The following CACNA1C variants were observed in gnomAD, a reference collection of about 807,000 sequenced individuals.
CACNA1C encodes the protein calcium voltage-gated channel subunit alpha1 C.
CACNA1C carries 30 observed loss-of-function variants against 229.0 expected under a neutral mutation model. The ratio of observed to expected loss-of-function variants is 0.13; its 90% CI spans 0.10 to 0.18. The LOEUF is 0.18. Ranked by LOEUF, CACNA1C falls within the 10% of genes least tolerant of loss-of-function variation. The pLI is 1.00. For synonymous variants in CACNA1C, 1,114 were observed against 1,132.5 expected (o/e 0.98, Z 0.33); for missense variants, 1,658 against 2,845.0 (o/e 0.58, Z 9.49).
rs1021204544 is a variant in CACNA1C at position 2,597,923 on chromosome 12, G to C, written c.2853+634G>C. Reference sequence around the variant, plus strand: ...CTCTGAAAGTGGGAAACCTCCTGGGGCGTGAAAGAATCACTTGAGCTACTC... The same window carrying C: ...CTCTGAAAGTGGGAAACCTCCTGGGCCGTGAAAGAATCACTTGAGCTACTC... On this transcript the variant is annotated intron_variant, in intron 21 of 46. Coordinates refer to ENST00000399655, the MANE Select transcript of CACNA1C (RefSeq NM_000719.7). The surrounding 1 kb of genome is among the most constrained non-coding windows in gnomAD (Gnocchi z 4.3). Among the ~76,000 whole-genome samples, 5 of 152,200 alleles carry C rather than the reference G, an allele frequency of 3.3e-5. No individual in the cohort carries two copies. The highest frequency in any genetic ancestry group is 1.2e-4 in the African/African-American group (5 of 41,446).
chr12:2,656,785 C>T (rs954582227), intron 34 of CACNA1C, among the ~76,000 whole-genome samples: 2 of 152,198 alleles, frequency 1.3e-5, no homozygotes, highest in Admixed American at 6.5e-5. Context: ...CACTCATTTA[C>T]AGCCAGTTGA....
At chr12:2,209,316 A>G (rs1220474930) in intron 3 of CACNA1C, among the ~76,000 whole-genome samples, 1 of 152,214 alleles carries the variant, frequency 6.6e-6, no homozygotes, top group Admixed American at 6.5e-5. Context: ...ACAAACACCA[A>G]CAATCCTTAT....
intron 1 of CACNA1C, among the ~76,000 whole-genome samples, chr12:2,083,334 G>A (rs75823749): frequency 0.016 from 2,511 of 152,330 alleles, 25 homozygotes; most frequent in South Asian, 0.059. Flanking sequence ...GGCCCTGGCC[G>A]TAGATCCCAG....
intron 3 of CACNA1C, among the ~76,000 whole-genome samples, chr12:2,309,672 A>T (rs927463848): frequency 2.6e-5 from 4 of 152,244 alleles, no homozygotes; most frequent in Non-Finnish European, 5.9e-5. Flanking sequence ...TATTTAAACT[A>T]CAAAACTGTA....
At chr12:2,650,451 C>T (rs931317985) in intron 31 of CACNA1C, among the ~76,000 whole-genome samples, 1 of 152,138 alleles carries the variant, frequency 6.6e-6, no homozygotes, top group African/African-American at 2.4e-5. Flanking sequence ...GCCCTCCCAC[C>T]TCGCGGGAGG....
intron 8 of CACNA1C, 110 bp downstream of exon 8, chr12:2,505,055 G>A: frequency 1.5e-6 from 1 of 670,366 alleles, no homozygotes; most frequent in South Asian, 1.7e-5. Flanking sequence ...TGGGATAAGG[G>A]GTCACCACAG....
At chr12:2,349,627 A>G (rs550592724) in intron 3 of CACNA1C, among the ~76,000 whole-genome samples, 1 of 152,186 alleles carries the variant, frequency 6.6e-6, no homozygotes, top group South Asian at 2.1e-4. Context: ...GTCTGGACTC[A>G]GGAGGAAGGT....
At chr12:2,122,178 G>A (rs564829969) in intron 3 of CACNA1C, among the ~76,000 whole-genome samples, 1 of 152,332 alleles carries the variant, frequency 6.6e-6, no homozygotes, top group South Asian at 2.1e-4. Flanking sequence ...TACAGATGAG[G>A]TGGGAGGGAT....
chr12:1,994,495 T>G (rs2040320986), intron 1 of CACNA1C, among the ~76,000 whole-genome samples: 1 of 152,192 alleles, frequency 6.6e-6, no homozygotes, highest in Non-Finnish European at 1.5e-5. Flanking sequence ...GGTAAAGTGG[T>G]GGTAAGCATA....
intron 3 of CACNA1C, among the ~76,000 whole-genome samples, chr12:2,295,076 C>T (rs991427359): frequency 1.3e-5 from 2 of 152,284 alleles, no homozygotes; most frequent in South Asian, 4.1e-4. Context: ...TCTGCCAGCT[C>T]CCTGCCTACA....
intron 15 of CACNA1C, 24 bp downstream of exon 15, chr12:2,582,966 C>G: frequency 1.3e-6 from 2 of 1,512,234 alleles, no homozygotes; most frequent in Non-Finnish European, 1.8e-6. Context: ...CTGCCCCCCA[C>G]CCCTGCGGCC....
intron 3 of CACNA1C, among the ~76,000 whole-genome samples, chr12:2,192,119 C>T (rs766105163): frequency 1.3e-5 from 2 of 152,126 alleles, no homozygotes; most frequent in African/African-American, 2.4e-5. Flanking sequence ...CACACCCCCT[C>T]CCTCCCTCTC....
At chr12:2,228,672 C>T (rs992113895) in intron 3 of CACNA1C, among the ~76,000 whole-genome samples, 10 of 152,158 alleles carry the variant, frequency 6.6e-5, no homozygotes, top group Admixed American at 2.0e-4. Context: ...TCCTTTTCTC[C>T]AGGTACACTC....
intron 18 of CACNA1C, among the ~76,000 whole-genome samples, chr12:2,586,466 T>C (rs931993379): frequency 1.3e-5 from 2 of 152,194 alleles, no homozygotes; most frequent in African/African-American, 2.4e-5. Flanking sequence ...AGCTTTAATG[T>C]CAGAGATCAG....
chr12:2,035,769 C>A (rs2049031227), intron 1 of CACNA1C, among the ~76,000 whole-genome samples: 1 of 152,246 alleles, frequency 6.6e-6, no homozygotes, highest in Non-Finnish European at 1.5e-5. Flanking sequence ...CCATCTCAGA[C>A]AGATGGTTAA....
At chr12:2,080,578 G>A (rs1226430744) in intron 1 of CACNA1C, among the ~76,000 whole-genome samples, 5 of 144,966 alleles carry the variant, frequency 3.4e-5, no homozygotes, top group Non-Finnish European at 7.5e-5. Flanking sequence ...TCCAGCATGG[G>A]CAACAGAGTG....
chr12:2,327,745 G>C (rs2096382850), intron 3 of CACNA1C, among the ~76,000 whole-genome samples: 1 of 152,212 alleles, frequency 6.6e-6, no homozygotes, highest in Non-Finnish European at 1.5e-5. Flanking sequence ...TGGTGAACTT[G>C]GAAGGTTGCC....
At chr12:2,351,128 A>G (rs2097190176) in intron 3 of CACNA1C, among the ~76,000 whole-genome samples, 1 of 152,170 alleles carries the variant, frequency 6.6e-6, no homozygotes, top group Non-Finnish European at 1.5e-5. Context: ...TTGGGGATGG[A>G]TAATTCTTTC....
At position 2,088,461 on chromosome 12, in the gene CACNA1C, T is replaced by C. The variant is rs549966397; in HGVS notation, c.50-26763T>C. On this transcript the variant is annotated intron_variant, in intron 1 of 46. Coordinates refer to ENST00000399655, the MANE Select transcript of CACNA1C (RefSeq NM_000719.7). ...CGGAGGCTTGGCACAAGCTGGTTAGTCCCTCTGTGCCTCAGTGTTCTCATC... is the reference window on the plus strand; with the variant it reads ...CGGAGGCTTGGCACAAGCTGGTTAGCCCCTCTGTGCCTCAGTGTTCTCATC... 2.6e-5 allele frequency among the ~76,000 whole-genome samples: 4 copies of C among 152,328 alleles called. No individual in the cohort carries two copies. The South Asian group carries it at 6.2e-4, about 24-fold the overall frequency.
Sources: gnomAD v4.1 joint callset for allele counts (sites outside exome capture counted in the v4.1 genomes callset) on GRCh38, gnomAD v4.1.1 for gene constraint, Gnocchi (gnomAD v3.1) non-coding constraint, MANE v1.5 for transcripts, NCBI Gene and HGNC (gene_info 2026-07-23, HGNC 2026-07-21) for gene names.